The following EFCAB10 variants were observed in gnomAD, a reference collection of about 807,000 sequenced individuals.
The protein encoded by EFCAB10 is EF-hand calcium binding domain 10, also known as EF-hand calcium-binding domain-containing protein 10.
EFCAB10 carries 7 observed loss-of-function variants against 7.7 expected under a neutral mutation model. That is an observed-to-expected ratio of 0.91 (90% CI 0.52 to 1.72). The LOEUF (loss-of-function observed/expected upper bound fraction) is 1.72, where lower values mean the gene tolerates loss of function less well. EFCAB10 is among the 40% of genes most tolerant of loss of function. The pLI, the probability that EFCAB10 is intolerant of heterozygous loss-of-function variation, is 0.00. For synonymous variants in EFCAB10, 52 were observed against 21.0 expected (o/e 2.47, Z -4.03); for missense variants, 112 against 61.5 (o/e 1.82, Z -2.74).
At chr7:105,567,383 T>C (rs1396162763) in intron 4 of EFCAB10, 84 bp downstream of exon 4, 2 of 1,034,230 alleles carry the variant, frequency 1.9e-6, no homozygotes, top group African/African-American at 3.2e-5. Flanking sequence ...TCAAGTTATA[T>C]GATGAAATTC....
intron 4 of EFCAB10, among the ~76,000 whole-genome samples, chr7:105,565,983 T>G (rs1174263088): frequency 6.6e-6 from 1 of 152,074 alleles, no homozygotes; most frequent in Non-Finnish European, 1.5e-5. Context: ...TATAAGAAAT[T>G]ACAGGGCCGG....
chr7:105,576,258 C>T (rs1248662349), intron 1 of EFCAB10, among the ~76,000 whole-genome samples: 1 of 152,112 alleles, frequency 6.6e-6, no homozygotes, highest in Non-Finnish European at 1.5e-5. Flanking sequence ...ATGGACAAGT[C>T]CTTTCTCCTC....
intron 1 of EFCAB10, 57 bp downstream of exon 1, chr7:105,581,301 T>TGTGG: frequency 1.4e-6 from 1 of 692,324 alleles, no homozygotes; most frequent in Non-Finnish European, 2.6e-6. Flanking sequence ...GGGGGTTTCG[T>TGTGG]GTGGGAAGCG....
intron 4 of EFCAB10, chr7:105,566,767 G>A (rs1791769576): frequency 6.3e-6 from 1 of 157,746 alleles, no homozygotes; most frequent in Non-Finnish European, 1.4e-5. Flanking sequence ...TTATTTTAAT[G>A]TTCTTTCTGC....
At chr7:105,577,848 A>G (rs1461349119) in intron 1 of EFCAB10, among the ~76,000 whole-genome samples, 1 of 152,022 alleles carries the variant, frequency 6.6e-6, no homozygotes, top group Non-Finnish European at 1.5e-5. Context: ...CCTCCCGAAT[A>G]ACTGATTACA....
chr7:105,569,488 C>G lies in EFCAB10; in HGVS notation c.190G>C (p.Asp64His), dbSNP rs768384861. The G allele has an allele frequency of 1.4e-6, 1 of 702,880 alleles. No homozygotes were observed. Among genetic ancestry groups the G allele is most frequent in the Non-Finnish European group, 2.6e-6 (1 of 385,018 alleles). 43.5% of individuals were successfully genotyped at this position (702,880 alleles called of 1,614,324 possible). A position where few individuals can be genotyped will look rare whatever the true frequency, so the allele number is the denominator to read the frequency against. The change falls in exon 2 of 5, where the codon GAT (aspartate) becomes CAT (histidine). Residue 64 changes from aspartate to histidine, a missense_variant. Physicochemically the swap from Asp to His is moderately conservative, Grantham distance 81 (BLOSUM62 -1). Transcript: ENST00000480514. ...AACATAGCCACAATGTTAGAGTTAT[C>G]CATAAAGAAAGGAAACGCCACGCCT... ...VTGVAFPFFM[D>H]NSNIVAMFEM...
At chr7:105,569,085 A>C in intron 3 of EFCAB10, 118 bp downstream of exon 3, 2 of 642,998 alleles carry the variant, frequency 3.1e-6, no homozygotes, top group Non-Finnish European at 5.5e-6. Flanking sequence ...AGTCAGCTGA[A>C]AGTTTCAAGG....
intron 1 of EFCAB10, among the ~76,000 whole-genome samples, chr7:105,577,966 G>A (rs1011592881): frequency 1.3e-5 from 2 of 152,090 alleles, no homozygotes; most frequent in African/African-American, 4.8e-5. Flanking sequence ...TTTTCACCAC[G>A]TTGGCCAGGC....
At chr7:105,575,115 C>CAAAAA (rs541720724) in intron 1 of EFCAB10, among the ~76,000 whole-genome samples, 1 of 111,040 alleles carries the variant, frequency 9.0e-6, no homozygotes, top group East Asian at 2.9e-4. Flanking sequence ...AACTCTGTCT[C>CAAAAA]AAAAAAAAAA....
At chr7:105,570,245 A>AT (rs1791910176) in intron 1 of EFCAB10, among the ~76,000 whole-genome samples, 1 of 60,176 alleles carries the variant, frequency 1.7e-5, no homozygotes, top group Non-Finnish European at 3.2e-5. Context: ...AAAAAAATAT[A>AT]TATATATATA....
chr7:105,571,221 A>C (rs1282882259), intron 1 of EFCAB10: 1 of 152,174 alleles, frequency 6.6e-6, no homozygotes, highest in Non-Finnish European at 1.5e-5. Context: ...AGGACTGACA[A>C]TTAACAGCAT....
chr7:105,566,115 C>A (rs924859716), intron 4 of EFCAB10, among the ~76,000 whole-genome samples: 12 of 147,772 alleles, frequency 8.1e-5, no homozygotes, highest in African/African-American at 2.7e-4. Context: ...CTAAAAATAC[C>A]AAAAAAAAAA....
rs891494078 is a variant in EFCAB10 at position 105,569,463 on chromosome 7, A to G, written c.215T>C (p.Phe72Ser). Residue 72 changes from phenylalanine (F) to serine (S), a missense_variant, in exon 2 of 5, where the codon TTT (phenylalanine) becomes TCT (serine). Phe to Ser is a radical substitution (Grantham distance 155). Coordinates refer to ENST00000480514, the MANE Select transcript of EFCAB10 (RefSeq NM_001355526.2). ...FMDNSNIVAM[F>S]EMMDSSGRGT... ...TCTGCCTGAGGAGTCCATCATCTCA[A>G]ACATAGCCACAATGTTAGAGTTATC... 2 of 703,052 alleles carry G rather than the reference A, an allele frequency of 2.8e-6. No individual in the cohort carries two copies. Among genetic ancestry groups the G allele is most frequent in the African/African-American group, 3.5e-5 (2 of 57,264 alleles). The allele number at this position is 703,052 out of a possible 1,614,324, so 43.6% of individuals were successfully genotyped here.
At chr7:105,565,667 A>T (rs1238282467) in intron 4 of EFCAB10, 3 of 1,443,154 alleles carry the variant, frequency 2.1e-6, no homozygotes, top group East Asian at 4.5e-5. Flanking sequence ...AACATTTAAC[A>T]ATTAATATTA....
At chr7:105,575,824 G>T (rs946020969) in intron 1 of EFCAB10, among the ~76,000 whole-genome samples, 1 of 152,102 alleles carries the variant, frequency 6.6e-6, no homozygotes, top group Non-Finnish European at 1.5e-5. Context: ...GATCGCCTGA[G>T]GTTGGGAGTT....
rs1403958814 is a variant in EFCAB10, at chr7:105,569,358, A to G, written c.271+49T>C. On this transcript the variant is annotated intron_variant, in intron 2 of 4. Transcript: ENST00000480514. ...TGAGAAGTATTTTCTGCTAGAAAAAACTGTGGAATGACCACAAACTATTAC... is the reference window on the plus strand; with the variant it reads ...TGAGAAGTATTTTCTGCTAGAAAAAGCTGTGGAATGACCACAAACTATTAC... 5.8e-6 allele frequency: 4 copies of G among 694,970 alleles called. No individual in the cohort carries two copies. The Middle Eastern group carries it at 6.9e-4, about 121-fold the overall frequency. 43.1% of individuals were successfully genotyped at this position (694,970 alleles called of 1,614,324 possible). A position where few individuals can be genotyped will look rare whatever the true frequency, so the allele number is the denominator to read the frequency against.
chr7:105,579,114 T>A (rs967742627), intron 1 of EFCAB10, among the ~76,000 whole-genome samples: 5 of 152,194 alleles, frequency 3.3e-5, no homozygotes, highest in Non-Finnish European at 7.3e-5. Flanking sequence ...CATTTTTATA[T>A]ACGTGTGTTC....
intron 1 of EFCAB10, among the ~76,000 whole-genome samples, chr7:105,575,460 C>T (rs892450698): frequency 5.0e-4 from 76 of 152,228 alleles, no homozygotes; most frequent in Middle Eastern, 3.4e-3. Flanking sequence ...AAGTGTCCGC[C>T]ACCATGCTCA....
intron 1 of EFCAB10, among the ~76,000 whole-genome samples, chr7:105,575,115 CAA>C (rs541720724): frequency 0.038 from 4,221 of 110,962 alleles, 107 homozygotes; most frequent in African/African-American, 0.086. Flanking sequence ...AACTCTGTCT[CAA>C]AAAAAAAAAA....
Sources: allele counts gnomAD v4.1 joint callset (sites outside exome capture counted in the v4.1 genomes callset), GRCh38; gene constraint gnomAD v4.1.1; transcripts MANE v1.5; gene names NCBI Gene and HGNC (gene_info 2026-07-23, HGNC 2026-07-21).